DCC: variants seen among roughly 807,000 people sequenced by gnomAD.
DCC encodes netrin receptor DCC.
In DCC, 58 loss-of-function variants were observed where a neutral mutation model predicts 172.5. The observed-to-expected ratio is 0.34, with a 90% CI of 0.27 to 0.42. The LOEUF (loss-of-function observed/expected upper bound fraction) is 0.42, where lower values mean the gene tolerates loss of function less well. DCC is among the 10% of genes least tolerant of loss of function. The pLI, the probability that DCC is intolerant of heterozygous loss-of-function variation, is 1.00. For synonymous variants in DCC, 709 were observed against 644.5 expected (o/e 1.10, Z -1.52); for missense variants, 1,740 against 1,791.0 (o/e 0.97, Z 0.51).
At chr18:52,710,214 T>C (rs1183026240) in intron 1 of DCC, among the ~76,000 whole-genome samples, 3 of 152,206 alleles carry the variant, frequency 2.0e-5, no homozygotes, top group African/African-American at 7.2e-5. Flanking sequence ...AAATGGCTGA[T>C]TAAAGTGCAG....
chr18:52,640,001 A>C (rs899973514), intron 1 of DCC, among the ~76,000 whole-genome samples: 3 of 152,200 alleles, frequency 2.0e-5, no homozygotes, highest in African/African-American at 7.2e-5. Context: ...CAACATATCA[A>C]GAAGATATTC....
At chr18:52,657,139 A>G (rs1206433716) in intron 1 of DCC, among the ~76,000 whole-genome samples, 9 of 152,082 alleles carry the variant, frequency 5.9e-5, no homozygotes, top group African/African-American at 2.2e-4. Flanking sequence ...GTGCTGAGAC[A>G]AAAACCAAGC....
chr18:52,783,194 ATGAGTTGGAC>A (rs2037581263), intron 2 of DCC, among the ~76,000 whole-genome samples: 1 of 152,044 alleles, frequency 6.6e-6, no homozygotes, highest in African/African-American at 2.4e-5. Context: ...GTCAATTAGA[ATGAGTTGGAC>A]ATTCCTACTT....
intron 9 of DCC, among the ~76,000 whole-genome samples, chr18:53,180,025 G>A (rs1272204946): frequency 2.0e-5 from 3 of 152,170 alleles, no homozygotes; most frequent in Non-Finnish European, 4.4e-5. Context: ...AAACTGTAAA[G>A]AGGTATATCA....
At chr18:53,357,517 A>T (rs2057890589) in intron 15 of DCC, among the ~76,000 whole-genome samples, 1 of 152,210 alleles carries the variant, frequency 6.6e-6, no homozygotes, top group Non-Finnish European at 1.5e-5. Flanking sequence ...GACATACATG[A>T]ATAAAAAATG....
chr18:53,449,992 CATATAAT>C lies in DCC; in HGVS notation c.3230-503_3230-497del, dbSNP rs1267943821. On this transcript the variant is annotated intron_variant, in intron 22 of 28. Transcript: ENST00000442544. ...TCTGGATATTTCATATAAATAGAATCATATAATATATGTCCTTTTGTGTCTGGCTTCT... is the reference window on the plus strand; with the variant it reads ...TCTGGATATTTCATATAAATAGAATCATATGTCCTTTTGTGTCTGGCTTCT... 3.3e-5 allele frequency among the ~76,000 whole-genome samples: 5 copies of C among 152,134 alleles called. No individual in the cohort carries two copies. The East Asian group carries it at 9.6e-4, about 29-fold the overall frequency.
chr18:53,526,689 T>G lies in DCC; in HGVS notation c.4184T>G (p.Leu1395Arg). 1 of 1,613,616 alleles carries G rather than the reference T, an allele frequency of 6.2e-7. No homozygotes were observed. The highest frequency in any genetic ancestry group is 1.1e-5 in the South Asian group (1 of 91,082). The change falls in exon 28 of 29, where the codon CTT (leucine) becomes CGT (arginine). Residue 1395 changes from leucine to arginine, a missense_variant. Around this residue, in one of 2 missense-constraint regions of DCC, gnomAD observed 1,732 missense variants for 1,767.4 expected, o/e 0.98. Coordinates refer to ENST00000442544, the MANE Select transcript of DCC (RefSeq NM_005215.4). Reference sequence around the variant, plus strand: ...GCTGGAAAAGCAAGATCCCCTTTGCTTCCTGTGTCTGTGCCAACAGCCCCT... The same window carrying G: ...GCTGGAAAAGCAAGATCCCCTTTGCGTCCTGTGTCTGTGCCAACAGCCCCT... ...GLAGKARSPL[L>R]PVSVPTAPEV...
chr18:53,201,756 TTTTCTC>T (rs2055540858), intron 9 of DCC, among the ~76,000 whole-genome samples: 1 of 152,180 alleles, frequency 6.6e-6, no homozygotes, highest in African/African-American at 2.4e-5. Flanking sequence ...TTGTTCAACT[TTTTCTC>T]TTAAAGTCTC....
At chr18:52,985,788 G>T (rs1353454191) in intron 5 of DCC, among the ~76,000 whole-genome samples, 1 of 151,904 alleles carries the variant, frequency 6.6e-6, no homozygotes, top group Non-Finnish European at 1.5e-5. Flanking sequence ...TGCAAAATGA[G>T]ATTCTTCAAC....
At chr18:53,307,417 A>T (rs540450435) in intron 13 of DCC, among the ~76,000 whole-genome samples, 2 of 152,248 alleles carry the variant, frequency 1.3e-5, no homozygotes, top group South Asian at 4.1e-4. Flanking sequence ...AATCACCAAA[A>T]TTGAAAAATC....
intron 2 of DCC, among the ~76,000 whole-genome samples, chr18:52,887,306 GTTTTT>G: frequency 6.8e-6 from 1 of 146,850 alleles, no homozygotes; most frequent in South Asian, 2.2e-4. Context: ...ATCATCAATG[GTTTTT>G]TTTTTTTAAA....
At chr18:52,867,949 T>C (rs1297530700) in intron 2 of DCC, among the ~76,000 whole-genome samples, 2 of 151,934 alleles carry the variant, frequency 1.3e-5, no homozygotes, top group Non-Finnish European at 2.9e-5. Flanking sequence ...ATTACATTAT[T>C]ATGTGTCTTT....
chr18:52,456,538 T>A lies in DCC; in HGVS notation c.91+115660T>A, dbSNP rs1988462851. 2.6e-5 allele frequency among the ~76,000 whole-genome samples: 4 copies of A among 152,220 alleles called. No individual in the cohort carries two copies. In the South Asian group the frequency reaches 8.3e-4, roughly 31 times the overall value. ...ATATTAACATGGTTATACAATATAG[T>A]TTAACTATATCTAACGATATTAAGG... On this transcript the variant is annotated intron_variant, in intron 1 of 28. Coordinates refer to ENST00000442544, the MANE Select transcript of DCC (RefSeq NM_005215.4).
At chr18:52,979,564 T>C (rs1057110776) in intron 5 of DCC, among the ~76,000 whole-genome samples, 2 of 152,198 alleles carry the variant, frequency 1.3e-5, no homozygotes, top group African/African-American at 4.8e-5. Context: ...ATTCAGTTAA[T>C]ATTCCCTCTC....
At chr18:53,274,370 TTCCAC>T (rs1330794241) in intron 12 of DCC, among the ~76,000 whole-genome samples, 1 of 152,166 alleles carries the variant, frequency 6.6e-6, no homozygotes, top group Non-Finnish European at 1.5e-5. Context: ...CCCCATCAAA[TTCCAC>T]TTTTCATCCT....
chr18:53,440,390 T>G (rs1912198573), intron 22 of DCC, among the ~76,000 whole-genome samples: 1 of 152,144 alleles, frequency 6.6e-6, no homozygotes, highest in Admixed American at 6.5e-5. Context: ...GGTACATCAA[T>G]GTTAATAAAT....
chr18:53,106,861 C>G (rs1412807101), intron 7 of DCC, among the ~76,000 whole-genome samples: 4 of 151,860 alleles, frequency 2.6e-5, no homozygotes, highest in Non-Finnish European at 5.9e-5. Flanking sequence ...TAGATGTGCT[C>G]TACTACAAGA....
At chr18:53,160,459 G>A (rs535133427) in intron 8 of DCC, among the ~76,000 whole-genome samples, 3 of 152,054 alleles carry the variant, frequency 2.0e-5, no homozygotes, top group Admixed American at 6.6e-5. Flanking sequence ...TTAAATATTT[G>A]CTGACTTGCA....
intron 1 of DCC, among the ~76,000 whole-genome samples, chr18:52,517,637 T>A (rs925194988): frequency 2.6e-5 from 4 of 152,194 alleles, no homozygotes; most frequent in Admixed American, 1.3e-4. Context: ...AAAGTGCATA[T>A]GTCATAAATA....
Sources: gnomAD v4.1 joint callset for allele counts (sites outside exome capture counted in the v4.1 genomes callset) on GRCh38, gnomAD v4.1.1 for gene constraint, gnomAD v4.1.1 regional missense constraint, MANE v1.5 for transcripts, NCBI Gene and HGNC (gene_info 2026-07-23, HGNC 2026-07-21) for gene names.